ATP2B2: variants seen among roughly 807,000 people sequenced by gnomAD.
ATP2B2 encodes plasma membrane calcium-transporting ATPase 2.
In ATP2B2, 15 loss-of-function variants were observed where a neutral mutation model predicts 120.0. The ratio of observed to expected loss-of-function variants is 0.12; its 90% confidence interval spans 0.08 to 0.19. The LOEUF (loss-of-function observed/expected upper bound fraction) is 0.19. Ranked by LOEUF, ATP2B2 falls within the 10% of genes least tolerant of loss-of-function variation. ATP2B2 has a pLI of 1.00. For synonymous variants in ATP2B2, 694 were observed against 700.3 expected, an observed-to-expected ratio of 0.99 and a Z score of 0.14; for missense variants, 1,045 against 1,719.8, an observed-to-expected ratio of 0.61 and a Z score of 6.94.
At chr3:10,580,098 G>T (rs2068353868) in intron 2 of ATP2B2, among the ~76,000 whole-genome samples, 1 of 152,174 alleles carries the variant, frequency 6.6e-6, no homozygotes, top group African/African-American at 2.4e-5. Context: ...ATCAACAGGG[G>T]GAGTGTGGAT....
intron 12 of ATP2B2, among the ~76,000 whole-genome samples, chr3:10,368,794 T>C (rs1379812020): frequency 6.6e-6 from 1 of 152,008 alleles, no homozygotes; most frequent in African/African-American, 2.4e-5. Context: ...CATTCATCCA[T>C]CCACCCATCC....
chr3:10,387,795 T>G (rs541751055), intron 6 of ATP2B2: 2 of 232,282 alleles, frequency 8.6e-6, no homozygotes, highest in Non-Finnish European at 1.7e-5. Flanking sequence ...AATGGTTGAT[T>G]TGGAGCCATG....
intron 1 of ATP2B2, among the ~76,000 whole-genome samples, chr3:10,478,020 A>G (rs2065267886): frequency 6.6e-6 from 1 of 152,196 alleles, no homozygotes; most frequent in South Asian, 2.1e-4. Context: ...AGAGTGTTCT[A>G]ATTTCCCCAC....
chr3:10,665,373 T>C (rs946901952), intron 1 of ATP2B2, among the ~76,000 whole-genome samples: 5 of 152,266 alleles, frequency 3.3e-5, no homozygotes, highest in East Asian at 3.9e-4. Flanking sequence ...TGGGGAAGCC[T>C]TTCCTGAGCA....
intron 2 of ATP2B2, among the ~76,000 whole-genome samples, chr3:10,430,688 T>C (rs1202136231): frequency 6.6e-6 from 1 of 151,698 alleles, no homozygotes; most frequent in East Asian, 2.0e-4. Context: ...TTTGGAGAAA[T>C]CACAGTATCA....
intron 1 of ATP2B2, among the ~76,000 whole-genome samples, chr3:10,505,185 G>A (rs942056886): frequency 2.6e-5 from 4 of 152,002 alleles, no homozygotes; most frequent in Admixed American, 2.0e-4. Context: ...CTTGTCCGAG[G>A]CCCCCCTGTC....
intron 1 of ATP2B2, among the ~76,000 whole-genome samples, chr3:10,486,346 T>C (rs1409739086): frequency 1.3e-5 from 2 of 151,934 alleles, no homozygotes; most frequent in East Asian, 3.9e-4. Flanking sequence ...TGTGTGTGTG[T>C]GTGTGTGTGT....
intron 1 of ATP2B2, among the ~76,000 whole-genome samples, chr3:10,464,319 G>A (rs548691812): frequency 4.6e-5 from 7 of 152,278 alleles, no homozygotes; most frequent in African/African-American, 1.7e-4. Context: ...GGACAGATGC[G>A]AATGCAGCCT....
At chr3:10,598,853 C>T (rs910524853) in intron 2 of ATP2B2, among the ~76,000 whole-genome samples, 1 of 152,266 alleles carries the variant, frequency 6.6e-6, no homozygotes, top group African/African-American at 2.4e-5. Flanking sequence ...TGCATGCAGT[C>T]CCCGGCCTGG....
chr3:10,635,254 T>A lies in ATP2B2; in HGVS notation c.-459-15293A>T, dbSNP rs1362891578. ...CAATTTGGGGATGTTGGCAACTAAT[T>A]CCAGTTTAAAACCCATAACATTCAA... On this transcript the variant is annotated intron_variant, in intron 1 of 21. Transcript: ENST00000646379. This position sits in a 1 kb window ranked among gnomAD's most constrained non-coding sequence, Gnocchi z 4.3. Among the ~76,000 whole-genome samples, 1 of 152,072 alleles carries A rather than the reference T, an allele frequency of 6.6e-6. No homozygotes were observed. The highest frequency in any genetic ancestry group is 1.5e-5 in the Non-Finnish European group (1 of 68,008).
intron 3 of ATP2B2, among the ~76,000 whole-genome samples, chr3:10,528,302 G>A (rs866409710): frequency 3.3e-5 from 5 of 152,100 alleles, no homozygotes; most frequent in South Asian, 2.1e-4. Flanking sequence ...AACAAGTCAC[G>A]TGGGGAAATG....
intron 3 of ATP2B2, among the ~76,000 whole-genome samples, chr3:10,526,834 A>G (rs569108655): frequency 1.3e-5 from 2 of 152,110 alleles, no homozygotes; most frequent in Admixed American, 1.3e-4. Context: ...CCTAATAATA[A>G]TAACAATAAT....
intron 1 of ATP2B2, among the ~76,000 whole-genome samples, chr3:10,493,732 C>G (rs1357644689): frequency 1.3e-5 from 2 of 152,140 alleles, no homozygotes; most frequent in Non-Finnish European, 2.9e-5. Context: ...TCACTGAAAA[C>G]AAACACAAAC....
At chr3:10,432,831 C>T (rs977509749) in intron 2 of ATP2B2, among the ~76,000 whole-genome samples, 3 of 152,060 alleles carry the variant, frequency 2.0e-5, no homozygotes, top group Non-Finnish European at 2.9e-5. Context: ...CTGGCCAGGG[C>T]GTGTATAAGG....
rs2068987011 is a variant in ATP2B2 at position 10,603,703 on chromosome 3, CG to C, written c.-415+16213del. Among the ~76,000 whole-genome samples, 4 of 152,104 alleles carry C rather than the reference CG, an allele frequency of 2.6e-5. No homozygotes were observed. The South Asian group carries it at 8.3e-4, about 32-fold the overall frequency. On this transcript the variant is annotated intron_variant, in intron 2 of 21. Transcript: ENST00000646379. ...CCTCCTCCCCCAGCTGCCCAGATCACGGGGGTAGGGCTAAGAAAAATGAATC... is the reference window on the plus strand; with the variant it reads ...CCTCCTCCCCCAGCTGCCCAGATCACGGGGTAGGGCTAAGAAAAATGAATC...
intron 1 of ATP2B2, among the ~76,000 whole-genome samples, chr3:10,504,639 G>A (rs1479719053): frequency 6.6e-6 from 1 of 152,048 alleles, no homozygotes; most frequent in Non-Finnish European, 1.5e-5. Flanking sequence ...GCTAGAAAGG[G>A]GTTGCTGCTG....
intron 1 of ATP2B2, among the ~76,000 whole-genome samples, chr3:10,468,377 G>A (rs1458291618): frequency 6.6e-6 from 1 of 152,230 alleles, no homozygotes; most frequent in Non-Finnish European, 1.5e-5. Context: ...AAGAAGTCAA[G>A]GATGAAATTT....
At chr3:10,430,719 G>T (rs961286715) in intron 2 of ATP2B2, among the ~76,000 whole-genome samples, 2 of 151,594 alleles carry the variant, frequency 1.3e-5, no homozygotes, top group Admixed American at 6.6e-5. Context: ...CCCCTACTTG[G>T]TTAGAACTTG....
intron 2 of ATP2B2, among the ~76,000 whole-genome samples, chr3:10,426,532 C>A (rs2063149971): frequency 6.6e-6 from 1 of 152,284 alleles, no homozygotes; most frequent in Admixed American, 6.5e-5. Flanking sequence ...ACTCCCGTGT[C>A]CTTGCTGTCG....
Sources: allele counts gnomAD v4.1 joint callset (sites outside exome capture counted in the v4.1 genomes callset), GRCh38; gene constraint gnomAD v4.1.1; non-coding constraint Gnocchi (gnomAD v3.1); transcripts MANE v1.5; gene names NCBI Gene and HGNC (gene_info 2026-07-23, HGNC 2026-07-21).